TIAM2: variants seen among roughly 807,000 people sequenced by gnomAD.
TIAM2 encodes rho guanine nucleotide exchange factor TIAM2.
In TIAM2, 80 loss-of-function variants were observed where a neutral mutation model predicts 152.9. That is an observed-to-expected ratio of 0.52 (90% CI 0.44 to 0.63). The LOEUF (loss-of-function observed/expected upper bound fraction) is 0.63. Among genes scored for constraint, TIAM2 ranks in the 30% least tolerant of loss-of-function variants. The pLI, the probability that TIAM2 is intolerant of heterozygous loss-of-function variation, is 0.00. For missense variants in TIAM2, 1,965 were observed against 2,120.1 expected (o/e 0.93, Z 1.44); for synonymous variants, 804 against 838.0 (o/e 0.96, Z 0.70).
chr6:155,161,008 T>C (rs1780254714), intron 7 of TIAM2, among the ~76,000 whole-genome samples: 1 of 152,250 alleles, frequency 6.6e-6, no homozygotes, highest in African/African-American at 2.4e-5. Context: ...CTTTGGGCTA[T>C]TGGGGTGTCC....
At chr6:154,999,195 A>G (rs1778270648) in intron 1 of TIAM2, among the ~76,000 whole-genome samples, 1 of 129,664 alleles carries the variant, frequency 7.7e-6, no homozygotes, top group Admixed American at 9.2e-5. Flanking sequence ...TTGATATGCT[A>G]TAGGAAAATT....
At chr6:155,109,130 CCCA>C (rs1368108251) in intron 2 of TIAM2, among the ~76,000 whole-genome samples, 7 of 151,944 alleles carry the variant, frequency 4.6e-5, no homozygotes, top group Non-Finnish European at 1.0e-4. Flanking sequence ...ACTACAGGCG[CCCA>C]CCACCACACC....
At chr6:155,099,794 T>G (rs1778512893) in intron 2 of TIAM2, among the ~76,000 whole-genome samples, 1 of 152,250 alleles carries the variant, frequency 6.6e-6, no homozygotes. Context: ...AAGTGTAAGA[T>G]GATTTCCTCA....
intron 9 of TIAM2, among the ~76,000 whole-genome samples, chr6:155,166,147 A>G (rs895078135): frequency 1.3e-5 from 2 of 152,120 alleles, no homozygotes; most frequent in Non-Finnish European, 2.9e-5. Flanking sequence ...AGACGAGCAG[A>G]CTGACACTTG....
chr6:155,241,341 TG>T, intron 16 of TIAM2, among the ~76,000 whole-genome samples: 1 of 152,222 alleles, frequency 6.6e-6, no homozygotes, highest in African/African-American at 2.4e-5. Context: ...CTTTGTTTCC[TG>T]GAGCTTTGGT....
intron 14 of TIAM2, among the ~76,000 whole-genome samples, chr6:155,192,949 C>G (rs529899692): frequency 5.9e-5 from 9 of 152,290 alleles, no homozygotes; most frequent in African/African-American, 2.2e-4. Context: ...TATTGGTGGA[C>G]TTTTCTTATT....
chr6:154,997,403 A>C (rs1250364689), intron 1 of TIAM2, among the ~76,000 whole-genome samples: 1 of 152,082 alleles, frequency 6.6e-6, no homozygotes, highest in East Asian at 1.9e-4. Context: ...CTTGTCCAAC[A>C]GGCAATTGGA....
At chr6:155,040,827 A>C (rs1332060058) in intron 1 of TIAM2, among the ~76,000 whole-genome samples, 1 of 152,150 alleles carries the variant, frequency 6.6e-6, no homozygotes, top group African/African-American at 2.4e-5. Flanking sequence ...CTAAGAGCAC[A>C]GTTCTTTGTT....
intron 15 of TIAM2, among the ~76,000 whole-genome samples, chr6:155,215,752 C>T (rs1583254741): frequency 7.5e-6 from 1 of 133,186 alleles, no homozygotes; most frequent in African/African-American, 2.8e-5. Context: ...TTGGAAACAT[C>T]GTGTTATATC....
intron 18 of TIAM2, 139 bp downstream of exon 18, chr6:155,244,922 C>T (rs1183333408): frequency 1.8e-6 from 2 of 1,106,150 alleles, no homozygotes; most frequent in Non-Finnish European, 2.4e-6. Context: ...TTTCCTTGCA[C>T]CGTTTTCCTC....
intron 26 of TIAM2, 59 bp downstream of exon 26, chr6:155,254,632 A>G: frequency 1.3e-6 from 2 of 1,579,834 alleles, no homozygotes; most frequent in Non-Finnish European, 1.7e-6. Context: ...TCTGAAAAGG[A>G]TATATGCTCT....
intron 7 of TIAM2, among the ~76,000 whole-genome samples, chr6:155,153,256 A>G (rs777940959): frequency 1.1e-4 from 17 of 151,142 alleles, no homozygotes; most frequent in Admixed American, 2.0e-4. Context: ...CCGTACATGC[A>G]CTCCCTTTCT....
rs58173623 is a variant in TIAM2, at chr6:155,025,821, AACACACACACACACACACACACACACAC to A, written c.-209+30357_-209+30384del. On this transcript the variant is annotated intron_variant, in intron 1 of 26. Transcript: ENST00000682666. ...AACACATGTGAGCACCTCCCCCTCA[AACACACACACACACACACACACACACAC>A]ACACACACACACACACACACACACA... Among the ~76,000 whole-genome samples the A allele has an allele frequency of 3.5e-4, 46 of 131,870 alleles. 1 individual carries two copies. The highest frequency in any genetic ancestry group is 1.5e-3 in the Admixed American group (18 of 12,028). The allele number at this position is 131,870 out of a possible 152,430, so 86.5% of individuals were successfully genotyped here.
intron 1 of TIAM2, among the ~76,000 whole-genome samples, chr6:155,012,027 T>A (rs760934985): frequency 8.5e-5 from 13 of 152,152 alleles, no homozygotes; most frequent in Non-Finnish European, 2.9e-5. Context: ...CTGGATTTCC[T>A]CCAAGAGAAG....
chr6:155,164,133 G>GGTTTTT (rs1486476778), intron 7 of TIAM2, among the ~76,000 whole-genome samples: 6 of 118,004 alleles, frequency 5.1e-5, no homozygotes, highest in Admixed American at 3.5e-4. Flanking sequence ...TAATTTTTGT[G>GGTTTTT]TTTTTTTTTT....
chr6:155,256,675 T>C lies in TIAM2; in HGVS notation c.4660T>C (p.Leu1554=), dbSNP rs765611474. ...TCCCGGGAAATACCCACACCCCGGC[T>C]TGGCAGATTTTGCCGACAATCTCAT... ...TSPGKYPHPG[L]ADFADNLIKE... Residue 1554 remains leucine, a synonymous_variant, in exon 27 of 27, where the codon TTG becomes CTG. Transcript: ENST00000682666. The C allele has an allele frequency of 6.2e-7, 1 of 1,614,206 alleles. No homozygotes were observed. Among genetic ancestry groups the C allele is most frequent in the Admixed American group, 1.7e-5 (1 of 60,034 alleles).
rs761577167 is a variant in TIAM2, at chr6:155,250,954, G to A, written c.3993G>A (p.Thr1331=). ...LSMGELLMHS[T]VSWLNPFLSL... ...TGGGAGAGCTTCTGATGCACTCTAC[G>A]GTTTCCTGGTTGAATCCATTTCTGT... is the stretch of plus-strand genomic sequence containing the variant. The change falls in exon 22 of 27, where the codon ACG becomes ACA. Residue 1331 remains threonine, a synonymous_variant. Transcript: ENST00000682666. 5 of 1,614,026 alleles carry A rather than the reference G, an allele frequency of 3.1e-6. No individual in the cohort carries two copies. Among genetic ancestry groups the A allele is most frequent in the East Asian group, 2.2e-5 (1 of 44,888 alleles).
chr6:155,248,033 A>T lies in TIAM2; in HGVS notation c.3686A>T (p.Asp1229Val). The change falls in exon 20 of 27, where the codon GAC becomes GTC. Residue 1229 changes from aspartate to valine, a missense_variant. Coordinates refer to ENST00000682666, the MANE Select transcript of TIAM2 (RefSeq NM_012454.4). ...KTDKAFKAFL[D>V]ARNPTKQHSS... is the part of the protein sequence containing the mutation. The stretch of plus-strand genomic sequence containing the variant: ...GACAAAGCCTTCAAGGCTTTTCTGG[A>T]CGCCCGGAACCCCACCAAGCAGCAT... The T allele has an allele frequency of 6.2e-7, 1 of 1,614,120 alleles. No homozygotes were observed. Among genetic ancestry groups the T allele is most frequent in the Non-Finnish European group, 8.5e-7 (1 of 1,179,984 alleles).
At chr6:155,044,657 A>G (rs1777122348) in intron 1 of TIAM2, among the ~76,000 whole-genome samples, 1 of 152,092 alleles carries the variant, frequency 6.6e-6, no homozygotes, top group African/African-American at 2.4e-5. Flanking sequence ...TCTACTAAAA[A>G]TACAAAAATT....
Sources: gnomAD v4.1 joint callset for allele counts (sites outside exome capture counted in the v4.1 genomes callset) on GRCh38, gnomAD v4.1.1 for gene constraint, MANE v1.5 for transcripts, NCBI Gene and HGNC (gene_info 2026-07-23, HGNC 2026-07-21) for gene names.